PRC1: variants seen among roughly 807,000 people sequenced by gnomAD.
PRC1 encodes protein regulator of cytokinesis 1.
In PRC1, 54 loss-of-function variants were observed where a neutral mutation model predicts 91.2. That is an observed-to-expected ratio of 0.59 (90% CI 0.48 to 0.74). PRC1 has a LOEUF of 0.74. PRC1 is among the 30% of genes least tolerant of loss of function. PRC1 has a pLI of 0.00. For synonymous variants in PRC1, 275 were observed against 263.6 expected, an observed-to-expected ratio of 1.04 and a Z score of -0.42; for missense variants, 727 against 746.2, an observed-to-expected ratio of 0.97 and a Z score of 0.30.
In PRC1 at chr15:90,974,119, C is replaced by T; in HGVS notation, c.1461+17G>A. 1 of 1,606,636 alleles carries T rather than the reference C, an allele frequency of 6.2e-7. No individual in the cohort carries two copies. The highest frequency in any genetic ancestry group is 8.5e-7 in the Non-Finnish European group (1 of 1,173,224). ...CCACTCCCTTGAAATCAGTGTTTCC[C>T]TAAGCCTTGTGTTTACCTTACGTGC... On this transcript the variant is annotated intron_variant, in intron 11 of 14. Coordinates refer to ENST00000394249, the MANE Select transcript of PRC1 (RefSeq NM_003981.4). The surrounding 1 kb of genome is among the most constrained non-coding windows in gnomAD (Gnocchi z 4.6).
intron 1 of PRC1, among the ~76,000 whole-genome samples, chr15:90,991,894 T>A (rs1248861427): frequency 2.0e-5 from 3 of 152,132 alleles, no homozygotes; most frequent in Admixed American, 2.0e-4. Flanking sequence ...TCCAACGACT[T>A]GCCATCTCAC....
intron 14 of PRC1, chr15:90,968,041 CAG>C: frequency 1.0e-6 from 1 of 985,194 alleles, no homozygotes; most frequent in East Asian, 1.1e-4. Flanking sequence ...TTGAGAAAGA[CAG>C]ATATTAGCAG....
Position 90,974,511 on chromosome 15 carries a change from C to A in PRC1, c.1350+74G>T, listed in dbSNP as rs754289645. Reference sequence around the variant, plus strand: ...GGCTCCCTGTTCCACAAACCCTGGTCCCCGGCAGAGACTATGGGCTGCTCA... The same window carrying A: ...GGCTCCCTGTTCCACAAACCCTGGTACCCGGCAGAGACTATGGGCTGCTCA... On this transcript the variant is annotated intron_variant, in intron 10 of 14. Coordinates refer to ENST00000394249, the MANE Select transcript of PRC1 (RefSeq NM_003981.4). The surrounding 1 kb of genome is among the most constrained non-coding windows in gnomAD (Gnocchi z 4.6). The A allele has an allele frequency of 5.5e-4, 880 of 1,586,688 alleles. No homozygotes were observed. The highest frequency in any genetic ancestry group is 6.9e-4 in the Admixed American group (41 of 59,486).
Position 90,974,222 on chromosome 15 carries a change from C to T in PRC1, c.1375G>A (p.Glu459Lys). ...GCGCTGCCATACAGCATCTCTGTCTCTGTCTGTTTTTTGTTCTTCAGTTGC... is the reference window on the plus strand; with the variant it reads ...GCGCTGCCATACAGCATCTCTGTCTTTGTCTGTTTTTTGTTCTTCAGTTGC... ...ERQLKNKKQT[E>K]TEMLYGSAPR... The change falls in exon 11 of 15, where the codon GAG becomes AAG. Residue 459 changes from glutamate (E) to lysine (K), a missense_variant. By Grantham distance (56) the Glu-to-Lys change is moderately conservative. Coordinates refer to ENST00000394249, the MANE Select transcript of PRC1 (RefSeq NM_003981.4). This position sits in a 1 kb window ranked among gnomAD's most constrained non-coding sequence, Gnocchi z 4.6. 1 of 1,614,174 alleles carries T rather than the reference C, an allele frequency of 6.2e-7. No homozygotes were observed. The highest frequency in any genetic ancestry group is 8.5e-7 in the Non-Finnish European group (1 of 1,180,004).
In PRC1 at chr15:90,988,197, C is replaced by T. The variant is rs376822167; in HGVS notation, c.12-3372G>A. The T allele has an allele frequency of 2.6e-5, 4 of 152,234 alleles. No individual in the cohort carries two copies. In the East Asian group the frequency reaches 7.7e-4, roughly 29 times the overall value. The allele number at this position is 152,234 out of a possible 1,614,324, so 9.4% of individuals were successfully genotyped here. On this transcript the variant is annotated intron_variant, in intron 1 of 14. Coordinates refer to ENST00000394249, the MANE Select transcript of PRC1 (RefSeq NM_003981.4). ...ACTTCATTTTGAAGACAAAAGAATG[C>T]ACAAGTTAAAATCCTAATATTACCA...
At chr15:90,991,504 A>G (rs1372015699) in intron 1 of PRC1, among the ~76,000 whole-genome samples, 1 of 152,112 alleles carries the variant, frequency 6.6e-6, no homozygotes, top group East Asian at 1.9e-4. Flanking sequence ...TGGAATTACC[A>G]AACACCCATT....
chr15:90,982,854 T>G (rs965904433), intron 3 of PRC1: 1 of 152,180 alleles, frequency 6.6e-6, no homozygotes. Context: ...GCTAATCCTA[T>G]GAACATCGTC....
chr15:90,974,768 C>G lies in PRC1; in HGVS notation c.1204-37G>C, dbSNP rs762861763. 1.2e-6 allele frequency: 2 copies of G among 1,610,692 alleles called. No individual in the cohort carries two copies. Among genetic ancestry groups the G allele is most frequent in the Non-Finnish European group, 1.7e-6 (2 of 1,177,178 alleles). The stretch of plus-strand genomic sequence containing the variant: ...AACAAGGACATGTTAATTACTTCAA[C>G]TCTTTAGTGCAAAGCCCAAATGAAA... On this transcript the variant is annotated intron_variant, in intron 9 of 14. Transcript: ENST00000394249. The surrounding 1 kb of genome is among the most constrained non-coding windows in gnomAD (Gnocchi z 4.6).
Position 90,967,172 on chromosome 15 carries a change from C to T in PRC1, c.1822G>A (p.Ala608Thr). 2 of 1,614,144 alleles carry T rather than the reference C, an allele frequency of 1.2e-6. No homozygotes were observed. Among genetic ancestry groups the T allele is most frequent in the Non-Finnish European group, 1.7e-6 (2 of 1,179,968 alleles). The change falls in exon 15 of 15, where the codon GCT becomes ACT. Residue 608 changes from alanine to threonine, a missense_variant. Physicochemically the swap from Ala to Thr is moderately conservative, Grantham distance 58. Coordinates refer to ENST00000394249, the MANE Select transcript of PRC1 (RefSeq NM_003981.4). ...RELSKASKSD[A>T]TSGILNSTNI... ...GTTGAATTGAGGATTCCAGAAGTAG[C>T]ATCAGATTTGGAAGCCTTTGAAAGT...
intron 5 of PRC1, 177 bp downstream of exon 5, chr15:90,981,322 G>A: frequency 4.0e-6 from 3 of 749,344 alleles, no homozygotes; most frequent in Non-Finnish European, 6.2e-6. Flanking sequence ...GCCATATAAA[G>A]GTTTTTTAAC....
intron 6 of PRC1, 31 bp from the exon 7 acceptor site, chr15:90,980,420 G>A: frequency 6.2e-7 from 1 of 1,604,156 alleles, no homozygotes; most frequent in Non-Finnish European, 8.5e-7. Flanking sequence ...AAGGGTGGCT[G>A]CCATAGTTTT....
Position 90,967,108 on chromosome 15 carries a change from G to A in PRC1, c.*23C>T. The A allele has an allele frequency of 6.2e-7, 1 of 1,602,616 alleles. No homozygotes were observed. The highest frequency in any genetic ancestry group is 8.6e-7 in the Non-Finnish European group (1 of 1,169,468). On this transcript the variant is annotated 3_prime_UTR_variant, in exon 15 of 15. Transcript: ENST00000394249. ...TCCAGTCTAGGCACAGGAAGCCACA[G>A]CTGGTTGACTGATCAGGGCTTCTCA...
In PRC1 at chr15:90,984,590, A is replaced by G; in HGVS notation, c.144+103T>C. 2 of 1,498,108 alleles carry G rather than the reference A, an allele frequency of 1.3e-6. No individual in the cohort carries two copies. The highest frequency in any genetic ancestry group is 1.8e-6 in the Non-Finnish European group (2 of 1,103,094). The allele number at this position is 1,498,108 out of a possible 1,614,324, so 92.8% of individuals were successfully genotyped here. ...AAACCAAACAGGAAGAGCCTGTGCT[A>G]TCCTAATGCCGATGATCACATGTCC... On this transcript the variant is annotated intron_variant, in intron 2 of 14. Coordinates refer to ENST00000394249, the MANE Select transcript of PRC1 (RefSeq NM_003981.4). This position sits in a 1 kb window ranked among gnomAD's most constrained non-coding sequence, Gnocchi z 5.1.
intron 8 of PRC1, among the ~76,000 whole-genome samples, chr15:90,978,786 C>T (rs1567192754): frequency 7.2e-6 from 1 of 138,140 alleles, no homozygotes; most frequent in Admixed American, 7.4e-5. Context: ...AAAGTGCCAT[C>T]AGGGTGGGAG....
chr15:90,983,991 C>A, intron 3 of PRC1, 27 bp downstream of exon 3: 1 of 1,612,932 alleles, frequency 6.2e-7, no homozygotes, highest in South Asian at 1.1e-5. Flanking sequence ...AGACAGATCA[C>A]CAGAGACCCT....
At chr15:90,967,875 T>C (rs1310183162) in intron 14 of PRC1, 1 of 985,354 alleles carries the variant, frequency 1.0e-6, no homozygotes, top group Non-Finnish European at 1.2e-6. Context: ...TCAAGGTAAG[T>C]AGGCAACAAG....
intron 12 of PRC1, 66 bp from the exon 13 acceptor site, chr15:90,969,689 C>T: frequency 1.4e-6 from 2 of 1,410,504 alleles, no homozygotes; most frequent in African/African-American, 1.4e-5. Context: ...ACACACAATA[C>T]CTGCACTGGT....
In PRC1 at chr15:90,974,515, G is replaced by A. The variant is rs757650278; in HGVS notation, c.1350+70C>T. ...CCCTGTTCCACAAACCCTGGTCCCC[G>A]GCAGAGACTATGGGCTGCTCAGATT... is the stretch of plus-strand genomic sequence containing the variant. On this transcript the variant is annotated intron_variant, in intron 10 of 14. Coordinates refer to ENST00000394249, the MANE Select transcript of PRC1 (RefSeq NM_003981.4). The surrounding 1 kb of genome is among the most constrained non-coding windows in gnomAD (Gnocchi z 4.6). The A allele has an allele frequency of 6.3e-6, 10 of 1,593,486 alleles. No homozygotes were observed. Among genetic ancestry groups the A allele is most frequent in the Non-Finnish European group, 6.9e-6 (8 of 1,166,952 alleles).
chr15:90,969,716 C>A (rs925771377), intron 12 of PRC1, 93 bp from the exon 13 acceptor site: 11 of 863,122 alleles, frequency 1.3e-5, no homozygotes, highest in Admixed American at 3.0e-5. Flanking sequence ...CTGAGACTAT[C>A]TTTATATTCA....
Sources: allele counts gnomAD v4.1 joint callset (sites outside exome capture counted in the v4.1 genomes callset), GRCh38; gene constraint gnomAD v4.1.1; non-coding constraint Gnocchi (gnomAD v3.1); transcripts MANE v1.5; gene names NCBI Gene and HGNC (gene_info 2026-07-23, HGNC 2026-07-21).